The following CAMKMT variants were observed in gnomAD, a reference collection of about 807,000 sequenced individuals.
CAMKMT encodes the protein calmodulin-lysine N-methyltransferase.
In CAMKMT, 53 loss-of-function variants were observed where a neutral mutation model predicts 48.0. The ratio of observed to expected loss-of-function variants is 1.10; its 90% CI spans 0.89 to 1.39. The LOEUF is 1.39. CAMKMT is among the 40% of genes most tolerant of loss of function. The pLI is 0.00. For missense variants in CAMKMT, 428 were observed against 402.7 expected (o/e 1.06, Z -0.54); for synonymous variants, 165 against 152.3 (o/e 1.08, Z -0.61).
chr2:44,497,007 G>C (rs745675911), intron 3 of CAMKMT, among the ~76,000 whole-genome samples: 2 of 152,068 alleles, frequency 1.3e-5, no homozygotes, highest in Admixed American at 6.6e-5. Context: ...GACATTTAGG[G>C]GTTTTTAAAT....
chr2:44,665,735 A>T (rs901929044), intron 3 of CAMKMT, among the ~76,000 whole-genome samples: 1 of 152,192 alleles, frequency 6.6e-6, no homozygotes, highest in African/African-American at 2.4e-5. Context: ...ATTGTCTTAC[A>T]TTTATATTCC....
At chr2:44,536,422 T>G (rs1666776279) in intron 3 of CAMKMT, among the ~76,000 whole-genome samples, 1 of 151,956 alleles carries the variant, frequency 6.6e-6, no homozygotes, top group African/African-American at 2.4e-5. Context: ...CCTCCTGGGT[T>G]CCAGTGATTC....
Position 44,383,093 on chromosome 2 carries a change from C to A in CAMKMT, c.312-7148C>A, listed in dbSNP as rs6739573. Among the ~76,000 whole-genome samples, 844 of 152,006 alleles carry A rather than the reference C, an allele frequency of 5.6e-3. 8 individuals are homozygous for A. Among genetic ancestry groups the A allele is most frequent in the African/African-American group, 0.019 (791 of 41,468 alleles). ...CCTTTTCGGAGGCCATTCCTCTGTG[C>A]ATGCATGACCCTGATGTCTCTCTGT... On this transcript the variant is annotated intron_variant, in intron 2 of 10. Coordinates refer to ENST00000378494, the MANE Select transcript of CAMKMT (RefSeq NM_024766.5).
rs760819119 is a variant in CAMKMT at position 44,372,746 on chromosome 2, C to T, written c.169C>T (p.Leu57=). 1 of 1,613,134 alleles carries T rather than the reference C, an allele frequency of 6.2e-7. No homozygotes were observed. ...GAAGCAAAAACACCTGGATGATTGC[C>T]TGCGACATGTATCTGTAAGAAGATT... The part of the protein sequence containing the change: ...VLKQKHLDDC[L]RHVSVRRFES... Residue 57 remains leucine, a synonymous_variant, in exon 2 of 11, where the codon CTG becomes TTG. Coordinates refer to ENST00000378494, the MANE Select transcript of CAMKMT (RefSeq NM_024766.5).
At chr2:44,569,477 A>T (rs1443243414) in intron 3 of CAMKMT, among the ~76,000 whole-genome samples, 1 of 152,074 alleles carries the variant, frequency 6.6e-6, no homozygotes, top group African/African-American at 2.4e-5. Flanking sequence ...TTACATTCCC[A>T]ATCTGTGTAC....
chr2:44,731,045 T>A lies in CAMKMT; in HGVS notation c.624-12577T>A, dbSNP rs187137873. Among the ~76,000 whole-genome samples the A allele has an allele frequency of 7.2e-5, 11 of 152,298 alleles. No homozygotes were observed. In the East Asian group the frequency reaches 2.1e-3, roughly 29 times the overall value. On this transcript the variant is annotated intron_variant, in intron 7 of 10. Coordinates refer to ENST00000378494, the MANE Select transcript of CAMKMT (RefSeq NM_024766.5). ...AAACTACCTTTTTAACAGCAGAGTT[T>A]AAAACCAAGACTCAGCCGGGCACAG...
chr2:44,382,465 T>TTTTTTC (rs1176389008), intron 2 of CAMKMT, among the ~76,000 whole-genome samples: 1 of 151,752 alleles, frequency 6.6e-6, no homozygotes, highest in Non-Finnish European at 1.5e-5. Flanking sequence ...TGCAAATAAC[T>TTTTTTC]TTTTTCTTTT....
intron 3 of CAMKMT, among the ~76,000 whole-genome samples, chr2:44,407,781 C>G (rs1383592998): frequency 6.6e-6 from 1 of 152,096 alleles, no homozygotes; most frequent in Non-Finnish European, 1.5e-5. Flanking sequence ...TAGGCAGCTG[C>G]AATTTGATGT....
intron 3 of CAMKMT, among the ~76,000 whole-genome samples, chr2:44,489,690 C>G (rs770914009): frequency 1.3e-5 from 2 of 151,908 alleles, no homozygotes; most frequent in Non-Finnish European, 2.9e-5. Flanking sequence ...AATTGTGATT[C>G]TTATGCTTTG....
chr2:44,652,165 C>G (rs978749056), intron 3 of CAMKMT, among the ~76,000 whole-genome samples: 1 of 152,166 alleles, frequency 6.6e-6, no homozygotes, highest in African/African-American at 2.4e-5. Flanking sequence ...AATAGTTTTA[C>G]TTTCACCATG....
chr2:44,440,198 C>G (rs146857033), intron 3 of CAMKMT, among the ~76,000 whole-genome samples: 1 of 152,150 alleles, frequency 6.6e-6, no homozygotes, highest in South Asian at 2.1e-4. Context: ...CCTCTAGTCC[C>G]ATGATTCTAG....
chr2:44,605,875 C>T (rs987792281), intron 3 of CAMKMT, among the ~76,000 whole-genome samples: 10 of 152,090 alleles, frequency 6.6e-5, no homozygotes, highest in African/African-American at 2.2e-4. Flanking sequence ...ACCACTCATA[C>T]ATAGAGCTTC....
intron 3 of CAMKMT, among the ~76,000 whole-genome samples, chr2:44,545,473 C>T (rs1208823074): frequency 6.6e-6 from 1 of 152,156 alleles, no homozygotes; most frequent in Admixed American, 6.6e-5. Context: ...CCTCGTGGAA[C>T]TTATGGTCTA....
chr2:44,639,013 C>T (rs1388791498), intron 3 of CAMKMT, among the ~76,000 whole-genome samples: 1 of 152,136 alleles, frequency 6.6e-6, no homozygotes, highest in Non-Finnish European at 1.5e-5. Context: ...CAGGTTTGAT[C>T]TTTTCATTGC....
At chr2:44,515,152 T>C (rs1670772636) in intron 3 of CAMKMT, among the ~76,000 whole-genome samples, 1 of 152,198 alleles carries the variant, frequency 6.6e-6, no homozygotes, top group Non-Finnish European at 1.5e-5. Context: ...CAATATTAGC[T>C]ACAGAGATTT....
intron 3 of CAMKMT, among the ~76,000 whole-genome samples, chr2:44,406,843 T>A (rs987308786): frequency 1.3e-5 from 2 of 152,174 alleles, no homozygotes; most frequent in African/African-American, 4.8e-5. Context: ...GCTCAAGCAA[T>A]CCGCCCACCA....
At chr2:44,578,680 G>C (rs1259212951) in intron 3 of CAMKMT, among the ~76,000 whole-genome samples, 1 of 152,136 alleles carries the variant, frequency 6.6e-6, no homozygotes, top group Non-Finnish European at 1.5e-5. Flanking sequence ...TTGGGTAATG[G>C]GATGTGGTGT....
intron 3 of CAMKMT, among the ~76,000 whole-genome samples, chr2:44,633,548 A>G (rs183295685): frequency 1.3e-5 from 2 of 152,272 alleles, no homozygotes; most frequent in East Asian, 1.9e-4. Context: ...TGTTAAGCCT[A>G]TCCGACAAAA....
At chr2:44,376,051 G>A (rs1410432029) in intron 2 of CAMKMT, among the ~76,000 whole-genome samples, 3 of 151,168 alleles carry the variant, frequency 2.0e-5, no homozygotes, top group African/African-American at 7.3e-5. Flanking sequence ...GCCTCCCAAA[G>A]TGCTGGGATT....
Sources: allele counts gnomAD v4.1 joint callset (sites outside exome capture counted in the v4.1 genomes callset), GRCh38; gene constraint gnomAD v4.1.1; transcripts MANE v1.5; gene names NCBI Gene and HGNC (gene_info 2026-07-23, HGNC 2026-07-21).